PTH2R: variants seen among roughly 807,000 people sequenced by gnomAD.
PTH2R encodes the protein PTH2 receptor.
A neutral mutation model predicts 60.3 loss-of-function variants in PTH2R; 59 were observed. That is an observed-to-expected ratio of 0.98 (90% CI 0.79 to 1.22). PTH2R has a LOEUF of 1.22. PTH2R is among the 50% of genes most tolerant of loss of function. The probability of loss-of-function intolerance (pLI) is 0.00; values close to 1 mark genes in which losing one functional copy is unlikely to be tolerated. For missense variants in PTH2R, 749 were observed against 682.6 expected, an observed-to-expected ratio of 1.10 and a Z score of -1.08; for synonymous variants, 256 against 243.8, an observed-to-expected ratio of 1.05 and a Z score of -0.47.
chr2:208,399,922 C>T (rs558721118), intron 1 of PTH2R, among the ~76,000 whole-genome samples: 8 of 152,222 alleles, frequency 5.3e-5, no homozygotes, highest in African/African-American at 1.9e-4. Context: ...TCCTTCCCAG[C>T]ATGTAGTGTG....
intron 12 of PTH2R, among the ~76,000 whole-genome samples, chr2:208,491,096 T>C (rs1467008482): frequency 6.6e-6 from 1 of 152,178 alleles, no homozygotes; most frequent in Non-Finnish European, 1.5e-5. Context: ...TTTTAGTTCA[T>C]TTAGGAGTTG....
At position 208,476,336 on chromosome 2, in the gene PTH2R, T is replaced by C. The variant is rs1278760719; in HGVS notation, c.982-4734T>C. Among the ~76,000 whole-genome samples the C allele has an allele frequency of 4.6e-5, 7 of 152,306 alleles. No homozygotes were observed. The South Asian group carries it at 1.0e-3, about 23-fold the overall frequency. The stretch of plus-strand genomic sequence containing the variant: ...CATTGACACAATTATAAATACCAAA[T>C]TGATTTTTCCCCCAGAGAAAAATCT... On this transcript the variant is annotated intron_variant, in intron 9 of 12. Coordinates refer to ENST00000272847, the MANE Select transcript of PTH2R (RefSeq NM_005048.4).
intron 1 of PTH2R, among the ~76,000 whole-genome samples, chr2:208,397,325 G>A (rs10165453): frequency 0.74 from 111,550 of 151,748 alleles, 44,840 homozygotes; most frequent in East Asian, 0.94. Flanking sequence ...AAGAGGCCAA[G>A]AGCACCTTGG....
chr2:208,467,757 A>G (rs1702786937), intron 9 of PTH2R, among the ~76,000 whole-genome samples: 1 of 152,190 alleles, frequency 6.6e-6, no homozygotes, highest in Non-Finnish European at 1.5e-5. Context: ...ATCTCTCTTG[A>G]TGTTAGCATT....
At chr2:208,485,715 C>T (rs1047900264) in intron 10 of PTH2R, among the ~76,000 whole-genome samples, 1 of 152,174 alleles carries the variant, frequency 6.6e-6, no homozygotes, top group African/African-American at 2.4e-5. Context: ...CCCCAAGATT[C>T]CTGCCCATGG....
intron 8 of PTH2R, among the ~76,000 whole-genome samples, chr2:208,454,256 T>G (rs191967039): frequency 2.0e-5 from 3 of 152,344 alleles, no homozygotes; most frequent in African/African-American, 7.2e-5. Context: ...TTTGCTCTCA[T>G]GGTCAAGCTT....
chr2:208,375,033 A>G (rs967959372), intron 1 of PTH2R, among the ~76,000 whole-genome samples: 9 of 152,248 alleles, frequency 5.9e-5, no homozygotes, highest in Admixed American at 5.2e-4. Context: ...ACAGGTAAAC[A>G]TTCTCAGAGA....
At chr2:208,412,448 G>GA (rs1701558651) in intron 1 of PTH2R, among the ~76,000 whole-genome samples, 3 of 152,174 alleles carry the variant, frequency 2.0e-5, no homozygotes, top group African/African-American at 7.2e-5. Flanking sequence ...TTGCTGGCAG[G>GA]AAACAGTCTT....
chr2:208,388,143 C>CCCA (rs1553540982), intron 1 of PTH2R, among the ~76,000 whole-genome samples: 1 of 148,858 alleles, frequency 6.7e-6, no homozygotes, highest in Non-Finnish European at 1.5e-5. Flanking sequence ...CCCCCCCCCC[C>CCCA]GTCTCTACTA....
chr2:208,406,640 A>G (rs769093935), upstream of PTH2R, among the ~76,000 whole-genome samples: 2 of 152,218 alleles, frequency 1.3e-5, no homozygotes, highest in African/African-American at 4.8e-5. Context: ...CAGCAGCGAC[A>G]TGAGATCCTT....
At chr2:208,378,184 AAC>A (rs1382985432) in intron 1 of PTH2R, among the ~76,000 whole-genome samples, 1 of 151,874 alleles carries the variant, frequency 6.6e-6, no homozygotes, top group African/African-American at 2.4e-5. Context: ...CAGCCCGGCC[AAC>A]ACAGCGAAAC....
intron 9 of PTH2R, among the ~76,000 whole-genome samples, chr2:208,471,063 C>G (rs976372186): frequency 6.6e-6 from 1 of 152,078 alleles, no homozygotes; most frequent in African/African-American, 2.4e-5. Flanking sequence ...AGGTATCTGG[C>G]AGAAGAAATT....
At chr2:208,484,789 A>G (rs1219502199) in intron 10 of PTH2R, among the ~76,000 whole-genome samples, 2 of 152,204 alleles carry the variant, frequency 1.3e-5, no homozygotes, top group East Asian at 3.8e-4. Context: ...TCCATCACTT[A>G]CTGCATCACA....
At chr2:208,365,532 A>G (rs1337809235) in intron 1 of PTH2R, among the ~76,000 whole-genome samples, 1 of 152,086 alleles carries the variant, frequency 6.6e-6, no homozygotes, top group African/African-American at 2.4e-5. Flanking sequence ...GATAAATCCC[A>G]CTTGATCATG....
intron 1 of PTH2R, chr2:208,360,260 T>C (rs1470719802): frequency 2.4e-6 from 1 of 425,348 alleles, no homozygotes; most frequent in Non-Finnish European, 4.7e-6. Context: ...CCCCACTTGT[T>C]CTCCCGCCTT....
chr2:208,367,213 C>T lies in PTH2R; in HGVS notation c.-259+6976C>T, dbSNP rs953477770. ...GGTTCAAGCGATTCTCCTGCCTCAG[C>T]CTCCTGAGTAGCTGAGATTACAGGC... On this transcript the variant is annotated intron_variant, in intron 1 of 12. Coordinates refer to the PTH2R transcript ENST00000617735. 9.9e-5 allele frequency among the ~76,000 whole-genome samples: 15 copies of T among 151,950 alleles called. 1 individual carries two copies. Among genetic ancestry groups the T allele is most frequent in the Admixed American group, 9.2e-4 (14 of 15,258 alleles).
At chr2:208,365,960 ATTTTTTTTTTTTTTTTTTTTTT>A (rs1172950601) in intron 1 of PTH2R, among the ~76,000 whole-genome samples, 4 of 16,112 alleles carry the variant, frequency 2.5e-4, no homozygotes, top group African/African-American at 7.3e-4. Flanking sequence ...ATATATATAT[ATTTTTTTTTTTTTTTTTTTTTT>A]TTTTTTTTTT....
chr2:208,415,224 C>T (rs1400154902), intron 1 of PTH2R, among the ~76,000 whole-genome samples: 1 of 152,030 alleles, frequency 6.6e-6, no homozygotes, highest in Non-Finnish European at 1.5e-5. Context: ...TCTGTACTAT[C>T]TTATATAAAT....
At position 208,360,314 on chromosome 2, in the gene PTH2R, A is replaced by G. The variant is rs558205801; in HGVS notation, c.-259+77A>G. ...CGGGGTCTCCTACTGGTCCCTAGGA[A>G]CTTTCGCCACACCCGGAGCGGCGGC... On this transcript the variant is annotated intron_variant, in intron 1 of 12. Coordinates refer to the PTH2R transcript ENST00000617735. The G allele has an allele frequency of 7.3e-4, 241 of 331,508 alleles. 2 individuals are homozygous for G. The highest frequency in any genetic ancestry group is 4.9e-3 in the African/African-American group (226 of 46,006). The allele number at this position is 331,508 out of a possible 1,614,324, so 20.5% of individuals were successfully genotyped here.
Sources: allele counts gnomAD v4.1 joint callset (sites outside exome capture counted in the v4.1 genomes callset), GRCh38; gene constraint gnomAD v4.1.1; transcripts MANE v1.5; gene names NCBI Gene and HGNC (gene_info 2026-07-23, HGNC 2026-07-21).